TAFA5: variants seen among roughly 807,000 people sequenced by gnomAD.
TAFA5 encodes the protein chemokine-like protein TAFA-5.
Under a neutral mutation model 15.3 loss-of-function variants are expected in TAFA5, and 6 were observed. The observed-to-expected ratio is 0.39, with a 90% CI of 0.21 to 0.77. The LOEUF (loss-of-function observed/expected upper bound fraction) is 0.77, where lower values mean the gene tolerates loss of function less well. Ranked by LOEUF, TAFA5 falls within the 30% of genes least tolerant of loss-of-function variation. TAFA5 has a pLI of 0.41. For synonymous variants in TAFA5, 103 were observed against 80.7 expected (o/e 1.28, Z -1.48); for missense variants, 161 against 193.1 (o/e 0.83, Z 0.98).
Position 48,750,034 on chromosome 22 carries a change from C to G in TAFA5, c.*187C>G. 1 of 625,664 alleles carries G rather than the reference C, an allele frequency of 1.6e-6. No individual in the cohort carries two copies. Among genetic ancestry groups the G allele is most frequent in the Non-Finnish European group, 2.8e-6 (1 of 355,702 alleles). 38.8% of individuals were successfully genotyped at this position (625,664 alleles called of 1,614,324 possible). ...TGAGCTTCGGTCTGTCCAGCCGACC[C>G]GAGGAGGCCGGACTCAGACACATAG... On this transcript the variant is annotated 3_prime_UTR_variant, in exon 4 of 4. Transcript: ENST00000402357.
intron 3 of TAFA5, among the ~76,000 whole-genome samples, chr22:48,711,833 C>T (rs1318615371): frequency 6.6e-6 from 1 of 152,184 alleles, no homozygotes; most frequent in African/African-American, 2.4e-5. Context: ...CACCATCGCG[C>T]CGATCCCCCG....
intron 3 of TAFA5, among the ~76,000 whole-genome samples, chr22:48,729,286 TAATA>T (rs1398064504): frequency 7.5e-6 from 1 of 133,726 alleles, no homozygotes; most frequent in Non-Finnish European, 1.6e-5. Flanking sequence ...TATAAATATA[TAATA>T]ATTTTATATT....
chr22:48,741,095 C>A (rs1569101518), intron 3 of TAFA5, among the ~76,000 whole-genome samples: 1 of 152,314 alleles, frequency 6.6e-6, no homozygotes, highest in East Asian at 1.9e-4. Context: ...TCTGGGTGTT[C>A]CCACCACCCT....
chr22:48,577,815 C>A (rs1266837424), intron 1 of TAFA5, among the ~76,000 whole-genome samples: 2 of 152,198 alleles, frequency 1.3e-5, no homozygotes, highest in African/African-American at 4.8e-5. Flanking sequence ...CTGCTGCGGG[C>A]TTGGCCTGCC....
intron 1 of TAFA5, among the ~76,000 whole-genome samples, chr22:48,532,415 C>T (rs1922005035): frequency 6.6e-6 from 1 of 152,236 alleles, no homozygotes; most frequent in Non-Finnish European, 1.5e-5. Flanking sequence ...AGACCATTTC[C>T]CTCCTGCTCA....
At chr22:48,625,574 C>G (rs935054452) in intron 1 of TAFA5, among the ~76,000 whole-genome samples, 2 of 152,228 alleles carry the variant, frequency 1.3e-5, no homozygotes, top group South Asian at 2.1e-4. Context: ...AGACCTCACC[C>G]CTTTCCAGAA....
At chr22:48,638,443 C>CA (rs758538449) in intron 1 of TAFA5, among the ~76,000 whole-genome samples, 1 of 67,730 alleles carries the variant, frequency 1.5e-5, no homozygotes, top group Admixed American at 1.7e-4. Flanking sequence ...GGCAGCACCC[C>CA]TCCCCCGACA....
intron 1 of TAFA5, among the ~76,000 whole-genome samples, chr22:48,594,302 G>A (rs968876473): frequency 5.9e-5 from 9 of 152,228 alleles, no homozygotes; most frequent in East Asian, 3.9e-4. Flanking sequence ...TCGGATGGGC[G>A]AGGAGAGAAA....
intron 1 of TAFA5, among the ~76,000 whole-genome samples, chr22:48,574,004 A>G (rs1048583434): frequency 2.0e-5 from 3 of 152,178 alleles, no homozygotes; most frequent in Non-Finnish European, 4.4e-5. Context: ...GATGAAGGCC[A>G]ACGACCTTGC....
At position 48,589,070 on chromosome 22, in the gene TAFA5, G is replaced by C. The variant is rs555610562; in HGVS notation, c.113-57527G>C. Among the ~76,000 whole-genome samples, 240 of 152,346 alleles carry C rather than the reference G, an allele frequency of 1.6e-3. 1 individual carries two copies. Among genetic ancestry groups the C allele is most frequent in the African/African-American group, 5.7e-3 (235 of 41,580 alleles). ...TAAATAACTGTGCTTTGCAGAACCAGAAAATCCATCTTCAGACCCTCCTGT... is the reference window on the plus strand; with the variant it reads ...TAAATAACTGTGCTTTGCAGAACCACAAAATCCATCTTCAGACCCTCCTGT... On this transcript the variant is annotated intron_variant, in intron 1 of 3. Coordinates refer to ENST00000402357, the MANE Select transcript of TAFA5 (RefSeq NM_001082967.3).
At chr22:48,704,183 A>C (rs1929004462) in intron 2 of TAFA5, among the ~76,000 whole-genome samples, 1 of 130,806 alleles carries the variant, frequency 7.6e-6, no homozygotes, top group Non-Finnish European at 1.6e-5. Flanking sequence ...AGAGAAACAC[A>C]CCCTCAACAC....
chr22:48,527,734 C>T (rs1220332117), intron 1 of TAFA5, among the ~76,000 whole-genome samples: 1 of 152,216 alleles, frequency 6.6e-6, no homozygotes, highest in Non-Finnish European at 1.5e-5. Flanking sequence ...TGCCCTAGCT[C>T]AGACCCTTCC....
At chr22:48,584,250 T>A in intron 1 of TAFA5, among the ~76,000 whole-genome samples, 1 of 119,824 alleles carries the variant, frequency 8.3e-6, no homozygotes, top group African/African-American at 3.3e-5. Context: ...CACCACACAC[T>A]TACAAAATAC....
At chr22:48,514,181 G>C (rs1921322040) in intron 1 of TAFA5, among the ~76,000 whole-genome samples, 1 of 152,174 alleles carries the variant, frequency 6.6e-6, no homozygotes, top group Non-Finnish European at 1.5e-5. Context: ...GTGGGCTCGG[G>C]ATGAAATGAA....
chr22:48,606,020 C>T (rs1221603697), intron 1 of TAFA5, among the ~76,000 whole-genome samples: 1 of 152,178 alleles, frequency 6.6e-6, no homozygotes, highest in East Asian at 1.9e-4. Context: ...ATGACTCAGC[C>T]TGGTGAGCCT....
At chr22:48,739,856 C>G (rs1166413786) in intron 3 of TAFA5, among the ~76,000 whole-genome samples, 1 of 152,186 alleles carries the variant, frequency 6.6e-6, no homozygotes, top group Admixed American at 6.5e-5. Flanking sequence ...GCACAGCTCC[C>G]TTTATTCCCC....
rs59149550 is a variant in TAFA5 at position 48,652,584 on chromosome 22, G to T, written c.262+5838G>T. Among the ~76,000 whole-genome samples, 1,472 of 152,290 alleles carry T rather than the reference G, an allele frequency of 9.7e-3. 22 individuals are homozygous for T. The highest frequency in any genetic ancestry group is 0.033 in the African/African-American group (1,354 of 41,564). The stretch of plus-strand genomic sequence containing the variant: ...CTGGCCACCCAGCGCCATCCAGGAG[G>T]GGGTCTGGGCCCTCACCAAATCATC... On this transcript the variant is annotated intron_variant, in intron 2 of 3. Coordinates refer to ENST00000402357, the MANE Select transcript of TAFA5 (RefSeq NM_001082967.3).
chr22:48,655,636 G>T (rs116034129), intron 2 of TAFA5, among the ~76,000 whole-genome samples: 1 of 152,042 alleles, frequency 6.6e-6, no homozygotes, highest in Non-Finnish European at 1.5e-5. Context: ...CTGCATTGGG[G>T]GTTAAGTTTC....
intron 1 of TAFA5, among the ~76,000 whole-genome samples, chr22:48,558,076 TC>T (rs1923100878): frequency 1.3e-5 from 2 of 152,020 alleles, no homozygotes; most frequent in Admixed American, 1.3e-4. Flanking sequence ...CTCACCAAGA[TC>T]AGCACAACCT....
Sources: gnomAD v4.1 joint callset for allele counts (sites outside exome capture counted in the v4.1 genomes callset) on GRCh38, gnomAD v4.1.1 for gene constraint, MANE v1.5 for transcripts, NCBI Gene and HGNC (gene_info 2026-07-23, HGNC 2026-07-21) for gene names.